GRAMD2B: variants seen among roughly 807,000 people sequenced by gnomAD.
The protein encoded by GRAMD2B is GRAM domain containing 2B.
Under a neutral mutation model 59.2 loss-of-function variants are expected in GRAMD2B, and 41 were observed. That is an observed-to-expected ratio of 0.69 (90% CI 0.54 to 0.90). GRAMD2B has a LOEUF of 0.90. Ranked by LOEUF, GRAMD2B falls within the 40% of genes least tolerant of loss-of-function variation. The pLI, the probability that GRAMD2B is intolerant of heterozygous loss-of-function variation, is 0.00. For missense variants in GRAMD2B, 424 were observed against 500.5 expected (o/e 0.85, Z 1.46); for synonymous variants, 161 against 182.7 (o/e 0.88, Z 0.96).
chr5:126,477,321 TAG>T (rs1010416195), intron 5 of GRAMD2B, among the ~76,000 whole-genome samples: 23 of 152,278 alleles, frequency 1.5e-4, no homozygotes, highest in African/African-American at 5.1e-4. Context: ...CAGAGGAGAG[TAG>T]GGCATGTGGA....
At chr5:126,419,338 G>C (rs1759520934), upstream of GRAMD2B, among the ~76,000 whole-genome samples, 1 of 152,178 alleles carries the variant, frequency 6.6e-6, no homozygotes. Flanking sequence ...GAGAGAGCGA[G>C]AGAGAGCGAA....
chr5:126,469,831 G>A (rs760223158), intron 3 of GRAMD2B, 43 bp downstream of exon 3: 1 of 1,414,414 alleles, frequency 7.1e-7, no homozygotes, highest in South Asian at 1.2e-5. Flanking sequence ...AGGGTGACAG[G>A]GCTACTGAAG....
intron 1 of GRAMD2B, among the ~76,000 whole-genome samples, chr5:126,437,594 G>T (rs1321435290): frequency 6.6e-6 from 1 of 151,832 alleles, no homozygotes; most frequent in Non-Finnish European, 1.5e-5. Flanking sequence ...TTGGGATGAA[G>T]ATCAAAAAAG....
intron 1 of GRAMD2B, among the ~76,000 whole-genome samples, chr5:126,410,235 G>A (rs12055188): frequency 0.78 from 117,273 of 151,196 alleles, 46,121 homozygotes; most frequent in Non-Finnish European, 0.84. Flanking sequence ...GAACGTCATT[G>A]GTAGCTTGAT....
rs1189073378 is a variant in GRAMD2B at position 126,360,282 on chromosome 5, C to T, written c.-50C>T. 4 of 1,546,926 alleles carry T rather than the reference C, an allele frequency of 2.6e-6. No individual in the cohort carries two copies. In the Admixed American group the frequency reaches 7.9e-5, roughly 30 times the overall value. On this transcript the variant is annotated 5_prime_UTR_variant, in exon 1 of 14. Transcript: ENST00000513040. ...GCAGATCTGGTGTAAATACAAAGTT[C>T]CTTCCCGACATTTCCCAGAGTTTCT...
chr5:126,466,031 G>C (rs1768302234), intron 2 of GRAMD2B, among the ~76,000 whole-genome samples: 1 of 152,214 alleles, frequency 6.6e-6, no homozygotes, highest in Middle Eastern at 3.2e-3. Flanking sequence ...ATGTGTAGCT[G>C]TAGCCTCATC....
chr5:126,485,047 T>A (rs1772642373), intron 10 of GRAMD2B, among the ~76,000 whole-genome samples: 1 of 152,222 alleles, frequency 6.6e-6, no homozygotes, highest in South Asian at 2.1e-4. Context: ...TGGAGGTCAC[T>A]TCATGATTCT....
rs1756311785 is a variant in GRAMD2B at position 126,387,815 on chromosome 5, A to G, written c.125+16248A>G. ...TTTATAAGCTCCTTCTGGGGAAAAA[A>G]TGAAGAATTGTCTTTAGGGACTAGT... On this transcript the variant is annotated intron_variant, in intron 1 of 8. Coordinates refer to the GRAMD2B transcript ENST00000506445. Among the ~76,000 whole-genome samples, 3 of 152,316 alleles carry G rather than the reference A, an allele frequency of 2.0e-5. No homozygotes were observed. The South Asian group carries it at 6.2e-4, about 32-fold the overall frequency.
At chr5:126,371,559 G>C in exon 1 of GRAMD2B, 1 of 1,288,582 alleles carries the variant, frequency 7.8e-7, no homozygotes, top group South Asian at 1.2e-5. Flanking sequence ...CCAGCTCGGT[G>C]TTCCTCAGGT....
intron 3 of GRAMD2B, among the ~76,000 whole-genome samples, chr5:126,471,109 C>T (rs1450465572): frequency 6.6e-6 from 1 of 152,154 alleles, no homozygotes. Context: ...ATGACCTGGT[C>T]TGTAGTTCTT....
chr5:126,371,095 C>T (rs567014914), upstream of GRAMD2B, among the ~76,000 whole-genome samples: 1 of 152,354 alleles, frequency 6.6e-6, no homozygotes, highest in African/African-American at 2.4e-5. Context: ...CCAGTCTCTG[C>T]ACCTCATTGT....
intron 1 of GRAMD2B, among the ~76,000 whole-genome samples, chr5:126,432,907 G>A (rs1340895654): frequency 6.6e-6 from 1 of 152,168 alleles, no homozygotes; most frequent in African/African-American, 2.4e-5. Context: ...AATGGTATAT[G>A]AGCTATAAGA....
At chr5:126,391,336 A>AAAAAAAAAAAAAAAAAAAC (rs1756758481) in intron 1 of GRAMD2B, among the ~76,000 whole-genome samples, 1 of 139,400 alleles carries the variant, frequency 7.2e-6, no homozygotes, top group African/African-American at 2.6e-5. Flanking sequence ...AAAAAAAAAA[A>AAAAAAAAAAAAAAAAAAAC]AAAACTTGTA....
chr5:126,384,808 G>A (rs1755976143), intron 1 of GRAMD2B, among the ~76,000 whole-genome samples: 2 of 152,182 alleles, frequency 1.3e-5, no homozygotes, highest in Non-Finnish European at 2.9e-5. Flanking sequence ...TCAAAACTGG[G>A]CCAGGTATCA....
intron 1 of GRAMD2B, among the ~76,000 whole-genome samples, chr5:126,463,337 G>A (rs62394177): frequency 0.029 from 4,389 of 152,096 alleles, 89 homozygotes; most frequent in Non-Finnish European, 0.043. Context: ...ACTTAAAGAG[G>A]GCTTCTCAAG....
intron 1 of GRAMD2B, among the ~76,000 whole-genome samples, chr5:126,429,675 A>T (rs776590599): frequency 4.6e-5 from 7 of 152,204 alleles, no homozygotes; most frequent in Non-Finnish European, 7.4e-5. Flanking sequence ...GGAGGATGAC[A>T]TGAAATGTAA....
At chr5:126,466,553 G>A (rs1371771370) in intron 2 of GRAMD2B, among the ~76,000 whole-genome samples, 2 of 152,088 alleles carry the variant, frequency 1.3e-5, no homozygotes, top group Non-Finnish European at 2.9e-5. Context: ...AGCCACCCTG[G>A]TAGCTGGGCC....
At chr5:126,399,440 G>A (rs1472173626) in intron 1 of GRAMD2B, among the ~76,000 whole-genome samples, 2 of 152,114 alleles carry the variant, frequency 1.3e-5, no homozygotes, top group African/African-American at 4.8e-5. Flanking sequence ...CCCCTGTGCT[G>A]TTCTTGTAAT....
chr5:126,418,225 C>T (rs145437265), intron 1 of GRAMD2B, among the ~76,000 whole-genome samples: 158 of 152,254 alleles, frequency 1.0e-3, no homozygotes, highest in African/African-American at 3.7e-3. Context: ...CACAGGGACC[C>T]TCCCAATTCA....
Sources: allele counts gnomAD v4.1 joint callset (sites outside exome capture counted in the v4.1 genomes callset), GRCh38; gene constraint gnomAD v4.1.1; transcripts MANE v1.5; gene names NCBI Gene and HGNC (gene_info 2026-07-23, HGNC 2026-07-21).